Variants in ARHGEF11 observed in about 807,000 individuals in gnomAD.
ARHGEF11 encodes Rho guanine exchange factor (GEF) 11.
ARHGEF11 carries 55 observed loss-of-function variants against 193.7 expected under a neutral mutation model. The ratio of observed to expected loss-of-function variants is 0.28; its 90% CI spans 0.23 to 0.36. The LOEUF (loss-of-function observed/expected upper bound fraction) is 0.36. ARHGEF11 is among the 10% of genes least tolerant of loss of function. ARHGEF11 has a pLI of 1.00. For synonymous variants in ARHGEF11, 693 were observed against 768.0 expected, an observed-to-expected ratio of 0.90 and a Z score of 1.62; for missense variants, 1,723 against 2,005.6, an observed-to-expected ratio of 0.86 and a Z score of 2.69.
intron 21 of ARHGEF11, 124 bp downstream of exon 21, chr1:156,954,768 G>T (rs776020731): frequency 1.2e-6 from 1 of 853,212 alleles, no homozygotes; most frequent in Non-Finnish European, 1.9e-6. Context: ...ATGGAGAGAA[G>T]AAAGAAAGGG....
rs1474562005 is a variant in ARHGEF11, at chr1:156,943,920, C to T, written c.3235+15G>A. 6.2e-7 allele frequency: 1 copy of T among 1,603,754 alleles called. No homozygotes were observed. Among genetic ancestry groups the T allele is most frequent in the South Asian group, 1.1e-5 (1 of 89,962 alleles). On this transcript the variant is annotated intron_variant, in intron 32 of 40. Coordinates refer to ENST00000368194, the MANE Select transcript of ARHGEF11 (RefSeq NM_198236.3). ...CCCTGAGCCCCAGGCCAGCCTGGAC[C>T]ATCTCCCCAGGTACCTGTGGCCACA...
chr1:156,974,553 A>G (rs1303367096), intron 7 of ARHGEF11, among the ~76,000 whole-genome samples: 1 of 152,220 alleles, frequency 6.6e-6, no homozygotes. Context: ...TAAAGTGTAC[A>G]ACTAAGTGGT....
chr1:156,941,230 G>A (rs980119131), intron 35 of ARHGEF11, 142 bp downstream of exon 35: 152 of 707,466 alleles, frequency 2.1e-4, no homozygotes, highest in East Asian at 1.1e-3. Flanking sequence ...TCTTCCTCCC[G>A]CCCTGTTTCT....
At chr1:157,020,091 T>C (rs1669781795) in intron 1 of ARHGEF11, among the ~76,000 whole-genome samples, 1 of 146,928 alleles carries the variant, frequency 6.8e-6, no homozygotes, top group Non-Finnish European at 1.5e-5. Context: ...GCCACTGCAC[T>C]CCAGCCTGGG....
rs759885953 is a variant in ARHGEF11, at chr1:156,946,975, G to A, written c.2529C>T (p.Gly843=). The change falls in exon 27 of 41, where the codon GGC becomes GGT. Residue 843 remains glycine, a synonymous_variant. Coordinates refer to ENST00000368194, the MANE Select transcript of ARHGEF11 (RefSeq NM_198236.3). ...GGTCACTGATCTCTTTGATGATGGGGCCTTCCTCCCGGAGCTTCTTCATGG... is the reference window on the plus strand; with the variant it reads ...GGTCACTGATCTCTTTGATGATGGGACCTTCCTCCCGGAGCTTCTTCATGG... ...CEAMKKLREE[G]PIIKEISDLM... is the part of the protein sequence containing the mutation. 1 of 1,614,008 alleles carries A rather than the reference G, an allele frequency of 6.2e-7. No homozygotes were observed. Among genetic ancestry groups the A allele is most frequent in the Non-Finnish European group, 8.5e-7 (1 of 1,180,044 alleles).
At chr1:156,941,576 G>T in intron 34 of ARHGEF11, 143 bp from the exon 35 acceptor site, 2 of 974,110 alleles carry the variant, frequency 2.1e-6, no homozygotes, top group South Asian at 1.5e-5. Flanking sequence ...CCAGAGAGGA[G>T]GGGGGCTGCT....
Position 156,937,334 on chromosome 1 carries a change from C to T in ARHGEF11, c.4355G>A (p.Arg1452His), listed in dbSNP as rs201607774. 56 of 1,613,402 alleles carry T rather than the reference C, an allele frequency of 3.5e-5. No individual in the cohort carries two copies. Among genetic ancestry groups the T allele is most frequent in the Non-Finnish European group, 3.9e-5 (46 of 1,179,766 alleles). Residue 1452 changes from arginine (R) to histidine (H), a missense_variant, in exon 39 of 41, where the codon CGC (arginine) becomes CAC (histidine). This residue lies in a region of ARHGEF11 where 360 missense variants were observed against 344.4 expected (regional missense o/e 1.05). Coordinates refer to ENST00000368194, the MANE Select transcript of ARHGEF11 (RefSeq NM_198236.3). ...GGNDDPRRPS[R>H]SPPSLALRDV... ...CCTGAGGGCCAGGCTTGGAGGAGAG[C>T]GGCTGGGGCGTCTTGGATCATCGTT... is the stretch of plus-strand genomic sequence containing the variant.
At chr1:156,942,664 C>T (rs368922604) in intron 33 of ARHGEF11, 26 bp downstream of exon 33, 11 of 1,605,608 alleles carry the variant, frequency 6.9e-6, no homozygotes, top group South Asian at 3.3e-5. Flanking sequence ...ACCACAGTTA[C>T]GGGTAACCCC....
chr1:156,944,362 G>C lies in ARHGEF11; in HGVS notation c.3063C>G (p.Thr1021=), dbSNP rs1341019591. The change falls in exon 31 of 41, where the codon ACC becomes ACG. Residue 1021 remains threonine, a synonymous_variant. Transcript: ENST00000368194. The stretch of plus-strand genomic sequence containing the variant: ...TCCCAGTCCCCTGGCACATACCCAA[G>C]GTCTTATCCTTGCTGATCCTCCAGG... ...PLTWRISKDK[T]LDLHVLLLED... 1 of 1,613,976 alleles carries C rather than the reference G, an allele frequency of 6.2e-7. No individual in the cohort carries two copies. The highest frequency in any genetic ancestry group is 1.3e-5 in the African/African-American group (1 of 74,906).
chr1:156,968,035 G>A lies in ARHGEF11; in HGVS notation c.915C>T (p.His305=), dbSNP rs778089568. The A allele has an allele frequency of 5.3e-5, 86 of 1,614,100 alleles. No individual in the cohort carries two copies. Among genetic ancestry groups the A allele is most frequent in the Middle Eastern group, 1.6e-4 (1 of 6,082 alleles). ...CTGCATCCGAGCCCTGCCGCCTGTG[G>A]TGCTGGGCCACCCTGGCCATGATCA... ...SPVIMARVAQ[H]HRRQGSDAAV... The change falls in exon 11 of 41, where the codon CAC becomes CAT. Residue 305 remains histidine, a synonymous_variant. Coordinates refer to ENST00000368194, the MANE Select transcript of ARHGEF11 (RefSeq NM_198236.3).
chr1:156,961,415 G>T (rs980229298), intron 14 of ARHGEF11, among the ~76,000 whole-genome samples: 27 of 152,220 alleles, frequency 1.8e-4, no homozygotes, highest in Admixed American at 2.0e-4. Flanking sequence ...AATGAGGGGA[G>T]AATAGGGAGA....
intron 1 of ARHGEF11, among the ~76,000 whole-genome samples, chr1:157,037,257 T>G (rs1285028706): frequency 6.6e-6 from 1 of 152,214 alleles, no homozygotes; most frequent in Non-Finnish European, 1.5e-5. Flanking sequence ...CAGAAGCTCG[T>G]TATCTTTTCC....
intron 37 of ARHGEF11, 118 bp downstream of exon 37, chr1:156,939,430 T>C (rs1233014354): frequency 7.0e-7 from 1 of 1,424,528 alleles, no homozygotes; most frequent in Non-Finnish European, 9.6e-7. Context: ...GGACCCAGCG[T>C]AGGTCTCTGC....
chr1:157,007,995 C>T (rs982573645), intron 1 of ARHGEF11, among the ~76,000 whole-genome samples: 2 of 146,616 alleles, frequency 1.4e-5, no homozygotes, highest in Non-Finnish European at 3.0e-5. Flanking sequence ...ACCGTAGATG[C>T]TCCAAAAATG....
intron 7 of ARHGEF11, among the ~76,000 whole-genome samples, chr1:156,972,327 TCA>T (rs1662602569): frequency 6.6e-6 from 1 of 152,186 alleles, no homozygotes; most frequent in African/African-American, 2.4e-5. Flanking sequence ...CCTCAGGGCT[TCA>T]CAGTTAGGGA....
In ARHGEF11 at chr1:156,946,147, G is replaced by T. The variant is rs1007362361; in HGVS notation, c.2710C>A (p.Pro904Thr). 1 of 1,613,604 alleles carries T rather than the reference G, an allele frequency of 6.2e-7. No homozygotes were observed. Among genetic ancestry groups the T allele is most frequent in the Non-Finnish European group, 8.5e-7 (1 of 1,179,976 alleles). Residue 904 changes from proline to threonine, a missense_variant, in exon 29 of 41, where the codon CCT (proline) becomes ACT (threonine). Pro to Thr is a conservative substitution (Grantham distance 38). Transcript: ENST00000368194. ...CTCAGCTGCAGCCGCCGACACTGAG[G>T]GTGGCTCTCAGCCTCCTAGACAGCA... ...QLFMQEAESH[P>T]QCRRLQLRDL...
intron 8 of ARHGEF11, among the ~76,000 whole-genome samples, chr1:156,970,911 A>G (rs1662399754): frequency 6.6e-6 from 1 of 152,232 alleles, no homozygotes; most frequent in African/African-American, 2.4e-5. Context: ...GCTCCTACCT[A>G]TCAGCCATGT....
intron 1 of ARHGEF11, among the ~76,000 whole-genome samples, chr1:157,008,830 T>C (rs1180121763): frequency 2.6e-5 from 4 of 152,214 alleles, no homozygotes; most frequent in Non-Finnish European, 5.9e-5. Flanking sequence ...TCAGAGCTTC[T>C]TACTCTAAGC....
rs1253487259 is a variant in ARHGEF11, at chr1:156,962,807, AG to A, written c.1140+395del. Among the ~76,000 whole-genome samples, 3 of 132,430 alleles carry A rather than the reference AG, an allele frequency of 2.3e-5. No homozygotes were observed. In the East Asian group the frequency reaches 7.9e-4, roughly 35 times the overall value. The allele number at this position is 132,430 out of a possible 152,430, so 86.9% of individuals were successfully genotyped here. A position where few individuals can be genotyped will look rare whatever the true frequency, so the allele number is the denominator to read the frequency against. Reference sequence around the variant, plus strand: ...GGCAGGAGAACAGCGTGAACCTGGGAGGCGGAGCTTGCAGTGAGCTGAGATC... The same window carrying A: ...GGCAGGAGAACAGCGTGAACCTGGGAGCGGAGCTTGCAGTGAGCTGAGATC... On this transcript the variant is annotated intron_variant, in intron 13 of 40. Coordinates refer to ENST00000368194, the MANE Select transcript of ARHGEF11 (RefSeq NM_198236.3).
Sources: allele counts gnomAD v4.1 joint callset (sites outside exome capture counted in the v4.1 genomes callset), GRCh38; gene constraint gnomAD v4.1.1; regional missense constraint gnomAD v4.1.1; transcripts MANE v1.5; gene names NCBI Gene and HGNC (gene_info 2026-07-23, HGNC 2026-07-21).